The following UTP20 variants were observed in gnomAD, a reference collection of about 807,000 sequenced individuals.
The protein encoded by UTP20 is small subunit processome component 20 homolog.
UTP20 carries 164 observed loss-of-function variants against 329.5 expected under a neutral mutation model. The observed-to-expected ratio is 0.50, with a 90% CI of 0.44 to 0.57. The LOEUF is 0.57. Among genes scored for constraint, UTP20 ranks in the 20% least tolerant of loss-of-function variants. The pLI is 0.00. For synonymous variants in UTP20, 1,151 were observed against 1,159.3 expected (o/e 0.99, Z 0.14); for missense variants, 3,055 against 3,284.2 (o/e 0.93, Z 1.71).
At chr12:101,281,294 G>A in intron 2 of UTP20, 98 bp downstream of exon 2, 1 of 1,035,734 alleles carries the variant, frequency 9.7e-7, no homozygotes, top group Non-Finnish European at 1.5e-6. Flanking sequence ...TTCCTTTTTG[G>A]ACATGAAATG....
In UTP20 at chr12:101,290,279, A is replaced by C. The variant is rs201361692; in HGVS notation, c.735+5A>C. On this transcript the variant is annotated splice_donor_5th_base_variant and intron_variant, in intron 7 of 61. Coordinates refer to ENST00000261637, the MANE Select transcript of UTP20 (RefSeq NM_014503.3). Reference sequence around the variant, plus strand: ...TTTCACTCCTGTACAGGCCAGGTACATAATGGGGAGGGGTGCTTAGAGTCT... The same window carrying C: ...TTTCACTCCTGTACAGGCCAGGTACCTAATGGGGAGGGGTGCTTAGAGTCT... 2 of 1,583,690 alleles carry C rather than the reference A, an allele frequency of 1.3e-6. No individual in the cohort carries two copies. The highest frequency in any genetic ancestry group is 2.3e-5 in the East Asian group (1 of 44,292).
chr12:101,289,173 T>TAA, intron 6 of UTP20, 132 bp downstream of exon 6: 3 of 732,702 alleles, frequency 4.1e-6, no homozygotes, highest in Non-Finnish European at 6.6e-6. Flanking sequence ...GGTCAGGAAT[T>TAA]GGAGACCAGC....
intron 21 of UTP20, among the ~76,000 whole-genome samples, chr12:101,312,734 C>A (rs764021474): frequency 1.3e-5 from 2 of 152,242 alleles, no homozygotes; most frequent in Non-Finnish European, 2.9e-5. Flanking sequence ...GCCACCACGC[C>A]CAGCCTAGGC....
chr12:101,305,196 C>A (rs1408994589), intron 15 of UTP20, among the ~76,000 whole-genome samples: 1 of 151,972 alleles, frequency 6.6e-6, no homozygotes, highest in Non-Finnish European at 1.5e-5. Context: ...TTCATGGAGC[C>A]TTTCTCCATG....
chr12:101,284,762 C>T (rs566357546), intron 2 of UTP20, among the ~76,000 whole-genome samples: 1 of 152,268 alleles, frequency 6.6e-6, no homozygotes, highest in Admixed American at 6.5e-5. Context: ...CATTATCTCA[C>T]TCCTCCCACC....
Position 101,290,911 on chromosome 12 carries a change from G to T in UTP20, c.891+23G>T, listed in dbSNP as rs199617574. ...CAAGTGAGTTCTAATCTTTAAGGAT[G>T]GGTTTTTGATAAGGAGTCTAAGAAT... On this transcript the variant is annotated intron_variant, in intron 8 of 61. Transcript: ENST00000261637. 3.4e-4 allele frequency: 541 copies of T among 1,598,430 alleles called. 1 individual carries two copies. Among genetic ancestry groups the T allele is most frequent in the Non-Finnish European group, 4.3e-4 (506 of 1,174,132 alleles).
chr12:101,305,735 A>G (rs991429942), intron 15 of UTP20, among the ~76,000 whole-genome samples, 180 bp from the exon 16 acceptor site: 12 of 151,468 alleles, frequency 7.9e-5, no homozygotes, highest in African/African-American at 2.4e-4. Flanking sequence ...TGCATATGTC[A>G]CTCATTGTTG....
intron 56 of UTP20, among the ~76,000 whole-genome samples, chr12:101,376,352 T>TAGAG (rs1314796870): frequency 6.6e-6 from 1 of 152,200 alleles, no homozygotes; most frequent in African/African-American, 2.4e-5. Context: ...CACCTAACAA[T>TAGAG]AGAGAAACAT....
Position 101,383,036 on chromosome 12 carries a change from TA to T in UTP20, c.7657-2del. ...TTTCTTCCCCCACCCCGTTTTTTTT[TA>T]AAGGTTGTTAAGAATTTGTTGTTCG... On this transcript the variant is annotated splice_region_variant and splice_polypyrimidine_tract_variant and intron_variant, in intron 58 of 61. Coordinates refer to ENST00000261637, the MANE Select transcript of UTP20 (RefSeq NM_014503.3). 1.3e-6 allele frequency: 2 copies of T among 1,583,258 alleles called. No individual in the cohort carries two copies. Among genetic ancestry groups the T allele is most frequent in the Non-Finnish European group, 1.7e-6 (2 of 1,168,910 alleles).
In UTP20 at chr12:101,309,840, G is replaced by T; in HGVS notation, c.2231+1G>T. The T allele has an allele frequency of 6.2e-7, 1 of 1,611,952 alleles. No homozygotes were observed. The highest frequency in any genetic ancestry group is 8.5e-7 in the Non-Finnish European group (1 of 1,178,658). ...GGGATCCTGTTATTGAACTCATAAG[G>T]TAAACATGGGTTAAATGGGATGAAA... On this transcript the variant is annotated splice_donor_variant, in intron 19 of 61. Coordinates refer to ENST00000261637, the MANE Select transcript of UTP20 (RefSeq NM_014503.3). LOFTEE classifies it high-confidence loss of function.
intron 27 of UTP20, among the ~76,000 whole-genome samples, chr12:101,332,167 G>A (rs1221297710): frequency 6.6e-6 from 1 of 151,952 alleles, no homozygotes; most frequent in African/African-American, 2.4e-5. Flanking sequence ...GAGAAACCCC[G>A]TCTCTACTGA....
At chr12:101,370,997 G>A in intron 50 of UTP20, 61 bp from the exon 51 acceptor site, 1 of 1,445,702 alleles carries the variant, frequency 6.9e-7, no homozygotes. Context: ...CGTCAAATCT[G>A]CTTCCACGCA....
chr12:101,321,117 A>T (rs541255482), intron 24 of UTP20, among the ~76,000 whole-genome samples, 180 bp downstream of exon 24: 2 of 152,322 alleles, frequency 1.3e-5, no homozygotes, highest in East Asian at 1.9e-4. Context: ...GTTCTCCATG[A>T]TACTAAAATA....
At chr12:101,334,527 C>T in intron 29 of UTP20, 23 bp downstream of exon 29, 1 of 1,592,850 alleles carries the variant, frequency 6.3e-7, no homozygotes, top group Non-Finnish European at 8.5e-7. Context: ...TTTTTTCCTT[C>T]TTTAAAAAGG....
intron 12 of UTP20, among the ~76,000 whole-genome samples, chr12:101,297,069 A>G (rs1158318826): frequency 6.6e-6 from 1 of 152,154 alleles, no homozygotes; most frequent in Non-Finnish European, 1.5e-5. Context: ...ATTGATGGGC[A>G]TTCCTTGAGT....
At chr12:101,286,577 T>C in intron 5 of UTP20, 68 bp downstream of exon 5, 1 of 1,320,012 alleles carries the variant, frequency 7.6e-7, no homozygotes, top group Non-Finnish European at 1.0e-6. Flanking sequence ...TCTTTATGAC[T>C]CCAAACCACT....
intron 38 of UTP20, among the ~76,000 whole-genome samples, chr12:101,348,847 A>G (rs1317414471): frequency 1.3e-5 from 2 of 148,936 alleles, no homozygotes; most frequent in African/African-American, 4.9e-5. Flanking sequence ...AAGTACTGAG[A>G]TTACAGGCAT....
At position 101,297,268 on chromosome 12, in the gene UTP20, T is replaced by C. The variant is rs912454740; in HGVS notation, c.1430+1610T>C. 3.3e-5 allele frequency among the ~76,000 whole-genome samples: 5 copies of C among 152,244 alleles called. No individual in the cohort carries two copies. In the South Asian group the frequency reaches 1.0e-3, roughly 32 times the overall value. Reference sequence around the variant, plus strand: ...TCTTGCTCTGTCACCCAGGCCGGAGTGCAGTGGCACAATCACGGCTCACTG... The same window carrying C: ...TCTTGCTCTGTCACCCAGGCCGGAGCGCAGTGGCACAATCACGGCTCACTG... On this transcript the variant is annotated intron_variant, in intron 12 of 61. Coordinates refer to ENST00000261637, the MANE Select transcript of UTP20 (RefSeq NM_014503.3).
chr12:101,340,715 C>A, intron 32 of UTP20, 105 bp downstream of exon 32: 2 of 709,396 alleles, frequency 2.8e-6, no homozygotes, highest in South Asian at 1.8e-5. Flanking sequence ...ATGCATTTGT[C>A]GCAAGGAACT....
Sources: gnomAD v4.1 joint callset for allele counts (sites outside exome capture counted in the v4.1 genomes callset) on GRCh38, gnomAD v4.1.1 for gene constraint, MANE v1.5 for transcripts, NCBI Gene and HGNC (gene_info 2026-07-23, HGNC 2026-07-21) for gene names.